DHX30: variants seen among roughly 807,000 people sequenced by gnomAD.
The protein encoded by DHX30 is DExH-box helicase 30.
DHX30 carries 4 observed loss-of-function variants against 116.9 expected under a neutral mutation model. The ratio of observed to expected loss-of-function variants is 0.03; its 90% CI spans 0.02 to 0.08. The LOEUF (loss-of-function observed/expected upper bound fraction) is 0.08, where lower values mean the gene tolerates loss of function less well. Ranked by LOEUF, DHX30 falls within the 10% of genes least tolerant of loss-of-function variation. DHX30 has a pLI of 1.00. For synonymous variants in DHX30, 697 were observed against 651.7 expected (o/e 1.07, Z -1.06); for missense variants, 871 against 1,595.1 (o/e 0.55, Z 7.73).
chr3:47,809,136 T>A (rs758906845), intron 2 of DHX30, among the ~76,000 whole-genome samples: 2 of 151,960 alleles, frequency 1.3e-5, no homozygotes, highest in Non-Finnish European at 2.9e-5. Flanking sequence ...TTAAAATGTT[T>A]TAGATTTTAT....
In DHX30 at chr3:47,842,074, T is replaced by C. The variant is rs1559715921; in HGVS notation, c.789+337T>C. 1.3e-5 allele frequency: 3 copies of C among 238,878 alleles called. No homozygotes were observed. The East Asian group carries it at 2.9e-4, about 23-fold the overall frequency. 14.8% of individuals were successfully genotyped at this position (238,878 alleles called of 1,614,324 possible). ...AGGCGAAGGGGCTTTGGTCATGAAA[T>C]GCCTAACCTTGTTTTTACTTTAACT... On this transcript the variant is annotated intron_variant, in intron 8 of 21. Transcript: ENST00000445061.
intron 6 of DHX30, among the ~76,000 whole-genome samples, chr3:47,837,951 G>A (rs962452923): frequency 1.3e-5 from 2 of 152,156 alleles, no homozygotes; most frequent in African/African-American, 4.8e-5. Flanking sequence ...GCTCAGGACC[G>A]GTGTGGGAGC....
rs755374956 is a variant in DHX30 at position 47,849,214 on chromosome 3, G to A, written c.2952G>A (p.Glu984=). 6 of 1,613,916 alleles carry A rather than the reference G, an allele frequency of 3.7e-6. No homozygotes were observed. Among genetic ancestry groups the A allele is most frequent in the Non-Finnish European group, 5.1e-6 (6 of 1,179,988 alleles). The change falls in exon 19 of 22, where the codon GAG becomes GAA. Residue 984 remains glutamate, a synonymous_variant. Transcript: ENST00000445061. ...TAGGACTCATCAAGCAGTTCTCAGA[G>A]AACATTTATGAGGCCTTCCTGGTGG... ...FIHGLIKQFS[E]NIYEAFLVGK...
intron 6 of DHX30, among the ~76,000 whole-genome samples, chr3:47,830,006 A>G (rs1248829722): frequency 6.6e-6 from 1 of 150,676 alleles, no homozygotes; most frequent in African/African-American, 2.4e-5. Flanking sequence ...TAATTTTTGT[A>G]TTTTTAGTAG....
At chr3:47,840,335 T>G (rs1346516214) in intron 6 of DHX30, among the ~76,000 whole-genome samples, 1 of 151,410 alleles carries the variant, frequency 6.6e-6, no homozygotes, top group Non-Finnish European at 1.5e-5. Flanking sequence ...TGAAGCTTCC[T>G]AGATCATTAT....
chr3:47,810,579 C>T (rs980741568), intron 2 of DHX30, 78 bp from the exon 3 acceptor site: 11 of 1,158,454 alleles, frequency 9.5e-6, no homozygotes, highest in African/African-American at 7.6e-5. Context: ...ACAGTGCTCT[C>T]CATGTTACTG....
chr3:47,843,246 G>A lies in DHX30; in HGVS notation c.930G>A (p.Lys310=). The change falls in exon 9 of 22, where the codon AAG becomes AAA. Residue 310 remains lysine (K), a synonymous_variant. Coordinates refer to ENST00000445061, the MANE Select transcript of DHX30 (RefSeq NM_138615.3). ...ATAAGGCGGCAGCCTTGGCCTGCAA[G>A]AAACTGAAGGTGAGTCCAGGAAGGT... ...AENKAAALAC[K]KLKSLGLVDR... The A allele has an allele frequency of 6.2e-7, 1 of 1,614,252 alleles. No individual in the cohort carries two copies. Among genetic ancestry groups the A allele is most frequent in the Non-Finnish European group, 8.5e-7 (1 of 1,180,046 alleles).
At chr3:47,807,727 A>G (rs977892370) in intron 2 of DHX30, among the ~76,000 whole-genome samples, 1 of 148,076 alleles carries the variant, frequency 6.8e-6, no homozygotes, top group African/African-American at 2.5e-5. Context: ...AAAAAAAAAA[A>G]GCAAAATCAA....
chr3:47,816,102 C>G (rs1559690738), intron 3 of DHX30: 6 of 985,072 alleles, frequency 6.1e-6, no homozygotes, highest in Non-Finnish European at 7.2e-6. Flanking sequence ...CTAGAAGATC[C>G]TACAAGCACG....
rs1266538403 is a variant in DHX30, at chr3:47,827,330, T to C, written c.125-17T>C. 6.3e-7 allele frequency: 1 copy of C among 1,596,150 alleles called. No individual in the cohort carries two copies. Among genetic ancestry groups the C allele is most frequent in the Non-Finnish European group, 8.5e-7 (1 of 1,175,130 alleles). ...AGAAAAAGAACAACTGTAATGCTTT[T>C]GTTCTTATTTTCTTAGCTTCTAGGG... On this transcript the variant is annotated splice_polypyrimidine_tract_variant and intron_variant, in intron 4 of 21. Transcript: ENST00000445061.
chr3:47,835,675 C>G (rs896700297), intron 6 of DHX30, among the ~76,000 whole-genome samples: 20 of 152,146 alleles, frequency 1.3e-4, no homozygotes, highest in African/African-American at 4.8e-4. Flanking sequence ...CTCCTGACCT[C>G]AGGTGGTCCA....
intron 3 of DHX30, among the ~76,000 whole-genome samples, chr3:47,811,271 C>A (rs1046255043): frequency 1.3e-5 from 2 of 152,038 alleles, no homozygotes; most frequent in Non-Finnish European, 2.9e-5. Flanking sequence ...TCCTATTTTT[C>A]TAGGCTAGTA....
chr3:47,846,365 C>G lies in DHX30; in HGVS notation c.1293C>G (p.Ala431=). ...WRRRGPVWQE[A]PQLPVDPHRD... Reference sequence around the variant, plus strand: ...GGCGAGGGCCGGTCTGGCAGGAGGCCCCCCAGCTACCTGTGGACCCACATC... The same window carrying G: ...GGCGAGGGCCGGTCTGGCAGGAGGCGCCCCAGCTACCTGTGGACCCACATC... Residue 431 remains alanine, a synonymous_variant, in exon 11 of 22, where the codon GCC becomes GCG. Transcript: ENST00000445061. The G allele has an allele frequency of 6.2e-7, 1 of 1,614,026 alleles. No homozygotes were observed. The highest frequency in any genetic ancestry group is 8.5e-7 in the Non-Finnish European group (1 of 1,180,038).
intron 8 of DHX30, chr3:47,842,627 G>C (rs1576511344): frequency 6.5e-6 from 1 of 152,716 alleles, no homozygotes; most frequent in Non-Finnish European, 1.5e-5. Flanking sequence ...AAAGAATTTT[G>C]AGCATTAGCT....
At chr3:47,838,327 T>C (rs1279204722) in intron 6 of DHX30, among the ~76,000 whole-genome samples, 2 of 152,170 alleles carry the variant, frequency 1.3e-5, no homozygotes, top group African/African-American at 2.4e-5. Context: ...TTGATTGGAA[T>C]TGTGTTCAAT....
intron 5 of DHX30, among the ~76,000 whole-genome samples, 161 bp from the exon 6 acceptor site, chr3:47,828,863 A>T (rs1351918904): frequency 6.6e-6 from 1 of 152,048 alleles, no homozygotes; most frequent in African/African-American, 2.4e-5. Flanking sequence ...GGAGTTAATG[A>T]TGGGATTGGG....
rs571558085 is a variant in DHX30, at chr3:47,816,432, A to C, written c.29-1590A>C. 71 of 976,050 alleles carry C rather than the reference A, an allele frequency of 7.3e-5. No individual in the cohort carries two copies. The South Asian group carries it at 3.1e-3, about 42-fold the overall frequency. The allele number at this position is 976,050 out of a possible 1,614,324, so 60.5% of individuals were successfully genotyped here. On this transcript the variant is annotated intron_variant, in intron 3 of 21. Coordinates refer to ENST00000445061, the MANE Select transcript of DHX30 (RefSeq NM_138615.3). ...GAGTGCAATGGCGCGATCTCGGCTC[A>C]CTGCATCCTCCGCCTCCCGGGTTCA...
chr3:47,833,558 A>AG (rs2036965753), intron 6 of DHX30, among the ~76,000 whole-genome samples: 1 of 148,632 alleles, frequency 6.7e-6, no homozygotes, highest in African/African-American at 2.5e-5. Context: ...AAAAAAAAAA[A>AG]GAAAGAGCAC....
intron 4 of DHX30, among the ~76,000 whole-genome samples, chr3:47,824,138 G>T (rs901176540): frequency 6.6e-5 from 10 of 151,846 alleles, no homozygotes; most frequent in Admixed American, 6.6e-5. Context: ...GAGTAGCTGG[G>T]ATTACAGGCG....
Sources: allele counts gnomAD v4.1 joint callset (sites outside exome capture counted in the v4.1 genomes callset), GRCh38; gene constraint gnomAD v4.1.1; transcripts MANE v1.5; gene names NCBI Gene and HGNC (gene_info 2026-07-23, HGNC 2026-07-21).